DCC: variants seen among roughly 807,000 people sequenced by gnomAD.
The protein encoded by DCC is DCC netrin 1 receptor.
A neutral mutation model predicts 172.5 loss-of-function variants in DCC; 58 were observed. The observed-to-expected ratio is 0.34, with a 90% CI of 0.27 to 0.42. The LOEUF (loss-of-function observed/expected upper bound fraction) is 0.42, where lower values mean the gene tolerates loss of function less well. Among genes scored for constraint, DCC ranks in the 10% least tolerant of loss-of-function variants. DCC has a pLI of 1.00. For missense variants in DCC, 1,740 were observed against 1,791.0 expected (o/e 0.97, Z 0.51); for synonymous variants, 709 against 644.5 (o/e 1.10, Z -1.52).
chr18:53,193,555 T>C (rs1487377476), intron 9 of DCC, among the ~76,000 whole-genome samples: 1 of 152,100 alleles, frequency 6.6e-6, no homozygotes, highest in Non-Finnish European at 1.5e-5. Flanking sequence ...ATAGCTTGAG[T>C]GAGTCTTCTG....
chr18:53,207,840 C>G (rs1342863880), intron 11 of DCC, 23 bp downstream of exon 11: 1 of 1,581,410 alleles, frequency 6.3e-7, no homozygotes, highest in Non-Finnish European at 8.7e-7. Flanking sequence ...CAGTGAAACT[C>G]CTTTTACATA....
chr18:52,641,163 A>T (rs1437791721), intron 1 of DCC, among the ~76,000 whole-genome samples: 1 of 152,234 alleles, frequency 6.6e-6, no homozygotes, highest in East Asian at 1.9e-4. Context: ...GGCTAGCCAC[A>T]TGTAGGAGAA....
At chr18:52,558,487 A>G (rs1008309333) in intron 1 of DCC, among the ~76,000 whole-genome samples, 1 of 152,104 alleles carries the variant, frequency 6.6e-6, no homozygotes, top group Non-Finnish European at 1.5e-5. Flanking sequence ...TAGTATTCCT[A>G]TCATTGGCAG....
chr18:53,225,123 A>C (rs934152678), intron 12 of DCC, among the ~76,000 whole-genome samples: 7 of 152,160 alleles, frequency 4.6e-5, no homozygotes, highest in African/African-American at 1.7e-4. Flanking sequence ...ACTATGTCAT[A>C]TACTAATGAG....
intron 3 of DCC, among the ~76,000 whole-genome samples, chr18:52,914,405 GA>G (rs1357970333): frequency 2.0e-5 from 3 of 152,066 alleles, no homozygotes; most frequent in Non-Finnish European, 2.9e-5. Context: ...GAGGAAATAT[GA>G]ACAGATGTAG....
chr18:52,374,572 G>C (rs1053853890), intron 1 of DCC, among the ~76,000 whole-genome samples: 1 of 152,172 alleles, frequency 6.6e-6, no homozygotes, highest in South Asian at 2.1e-4. Flanking sequence ...ATACAAGAGA[G>C]ATCTAAGAAC....
chr18:53,292,470 T>C (rs2057017600), intron 12 of DCC, among the ~76,000 whole-genome samples: 1 of 152,126 alleles, frequency 6.6e-6, no homozygotes, highest in African/African-American at 2.4e-5. Flanking sequence ...GCAGATCACC[T>C]GAGGTCAGAA....
chr18:53,519,611 G>A (rs2046377452), intron 27 of DCC, among the ~76,000 whole-genome samples: 1 of 150,786 alleles, frequency 6.6e-6, no homozygotes. Flanking sequence ...CTCCAAAATT[G>A]AGATTATATT....
At chr18:53,512,502 C>T (rs1201716188) in intron 27 of DCC, among the ~76,000 whole-genome samples, 77 of 147,732 alleles carry the variant, frequency 5.2e-4, no homozygotes, top group African/African-American at 1.8e-3. Context: ...TTCAGACGAT[C>T]AAATTACTCT....
At chr18:52,410,946 C>G (rs1258934796) in intron 1 of DCC, among the ~76,000 whole-genome samples, 1 of 152,106 alleles carries the variant, frequency 6.6e-6, no homozygotes, top group Non-Finnish European at 1.5e-5. Context: ...TCTGAGTCTA[C>G]TTAAAGCACC....
chr18:52,949,949 T>C (rs1245187727), intron 5 of DCC, among the ~76,000 whole-genome samples: 1 of 152,206 alleles, frequency 6.6e-6, no homozygotes, highest in African/African-American at 2.4e-5. Flanking sequence ...AGTAATACAG[T>C]AGTCAGGGAC....
chr18:52,818,442 TA>T (rs2038344044), intron 2 of DCC, among the ~76,000 whole-genome samples: 1 of 147,242 alleles, frequency 6.8e-6, no homozygotes, highest in South Asian at 2.1e-4. Flanking sequence ...AAAAAAAATT[TA>T]AAAAGAAGAT....
chr18:53,518,256 A>T (rs2046361096), intron 27 of DCC, among the ~76,000 whole-genome samples: 1 of 152,176 alleles, frequency 6.6e-6, no homozygotes, highest in Non-Finnish European at 1.5e-5. Flanking sequence ...CTTTGTTCTT[A>T]AGGGTAAAGG....
intron 10 of DCC, among the ~76,000 whole-genome samples, chr18:53,205,731 A>G (rs1478768664): frequency 6.6e-6 from 1 of 152,158 alleles, no homozygotes; most frequent in Non-Finnish European, 1.5e-5. Context: ...CTCCTAGTCA[A>G]TGGCGTTTGC....
chr18:52,966,595 A>G (rs1462024755), intron 5 of DCC, among the ~76,000 whole-genome samples: 1 of 152,144 alleles, frequency 6.6e-6, no homozygotes, highest in Non-Finnish European at 1.5e-5. Flanking sequence ...AGTGAAAAGC[A>G]AGGGTTCAAA....
intron 1 of DCC, among the ~76,000 whole-genome samples, chr18:52,694,147 C>A (rs533355345): frequency 6.6e-6 from 1 of 152,182 alleles, no homozygotes; most frequent in South Asian, 2.1e-4. Flanking sequence ...TCCCAAAAAC[C>A]TGTATCTCCT....
intron 1 of DCC, among the ~76,000 whole-genome samples, chr18:52,432,911 T>C (rs1032601517): frequency 6.6e-6 from 1 of 152,190 alleles, no homozygotes; most frequent in African/African-American, 2.4e-5. Flanking sequence ...GGTAATTCTG[T>C]CCTGTGCTTC....
At chr18:53,452,822 G>C (rs1283554246) in intron 23 of DCC, among the ~76,000 whole-genome samples, 4 of 152,058 alleles carry the variant, frequency 2.6e-5, no homozygotes, top group Non-Finnish European at 5.9e-5. Context: ...TCATCCCTTT[G>C]TGTGCATATT....
chr18:53,351,319 T>G (rs971561959), intron 15 of DCC, among the ~76,000 whole-genome samples: 5 of 22,260 alleles, frequency 2.2e-4, no homozygotes, highest in Non-Finnish European at 4.8e-4. Flanking sequence ...ATATATACAC[T>G]GTATATATAT....
Sources: gnomAD v4.1 joint callset for allele counts (sites outside exome capture counted in the v4.1 genomes callset) on GRCh38, gnomAD v4.1.1 for gene constraint, MANE v1.5 for transcripts, NCBI Gene and HGNC (gene_info 2026-07-23, HGNC 2026-07-21) for gene names.